TBCD: variants seen among roughly 807,000 people sequenced by gnomAD.
The protein encoded by TBCD is tubulin folding cofactor D, also known as tubulin-specific chaperone D.
A neutral mutation model predicts 169.3 loss-of-function variants in TBCD; 105 were observed. The observed-to-expected ratio is 0.62, with a 90% CI of 0.53 to 0.73. The LOEUF is 0.73. Among genes scored for constraint, TBCD ranks in the 30% least tolerant of loss-of-function variants. The pLI is 0.00. For synonymous variants in TBCD, 700 were observed against 643.9 expected (o/e 1.09, Z -1.32); for missense variants, 1,444 against 1,600.1 (o/e 0.90, Z 1.66).
At chr17:82,779,814 G>T (rs2048828305) in intron 6 of TBCD, among the ~76,000 whole-genome samples, 1 of 152,190 alleles carries the variant, frequency 6.6e-6, no homozygotes. Flanking sequence ...GGCAGCTCCA[G>T]CTTCCACGTC....
intron 13 of TBCD, chr17:82,830,810 G>A: frequency 6.2e-7 from 1 of 1,613,524 alleles, no homozygotes; most frequent in East Asian, 2.2e-5. Context: ...GGACTGGAAG[G>A]CGCGGCCTCC....
rs2063531150 is a variant in TBCD, at chr17:82,944,382, TAG to T, written c.*1922_*1923del. The T allele has an allele frequency of 6.6e-6, 1 of 152,076 alleles. No homozygotes were observed. Among genetic ancestry groups the T allele is most frequent in the Non-Finnish European group, 1.5e-5 (1 of 67,992 alleles). The allele number at this position is 152,076 out of a possible 1,614,324, so 9.4% of individuals were successfully genotyped here. A position where few individuals can be genotyped will look rare whatever the true frequency, so the allele number is the denominator to read the frequency against. On this transcript the variant is annotated 3_prime_UTR_variant, in exon 39 of 39. Coordinates refer to ENST00000355528, the MANE Select transcript of TBCD (RefSeq NM_005993.5). Reference sequence around the variant, plus strand: ...CTGGAGCCCACCAGGGTCCAGGTGATAGAGTTTGGCAAGGAACCCCTTGCTCA... The same window carrying T: ...CTGGAGCCCACCAGGGTCCAGGTGATAGTTTGGCAAGGAACCCCTTGCTCA...
chr17:82,924,999 G>T lies in TBCD; in HGVS notation c.2321G>T (p.Gly774Val), dbSNP rs1341238774. The change falls in exon 27 of 39, where the codon GGC (glycine) becomes GTC (valine). Residue 774 changes from glycine (G) to valine (V), a missense_variant. Coordinates refer to ENST00000355528, the MANE Select transcript of TBCD (RefSeq NM_005993.5). ...LRNPEEMTRC[G>V]FSLALGALPG... Reference sequence around the variant, plus strand: ...AACCCCGAGGAGATGACTCGCTGTGGCTTCTCGTTGGCCTTGGGCGCCCTT... The same window carrying T: ...AACCCCGAGGAGATGACTCGCTGTGTCTTCTCGTTGGCCTTGGGCGCCCTT... The T allele has an allele frequency of 1.9e-6, 3 of 1,574,852 alleles. No homozygotes were observed.
At chr17:82,878,997 C>T (rs2058164083) in intron 14 of TBCD, among the ~76,000 whole-genome samples, 2 of 150,734 alleles carry the variant, frequency 1.3e-5, no homozygotes, top group Non-Finnish European at 2.9e-5. Context: ...TAATGTTGCT[C>T]AAATTGCTCC....
At position 82,943,891 on chromosome 17, in the gene TBCD, G is replaced by T. The variant is rs1350821100; in HGVS notation, c.*1428G>T. 1 of 152,302 alleles carries T rather than the reference G, an allele frequency of 6.6e-6. No individual in the cohort carries two copies. The highest frequency in any genetic ancestry group is 2.4e-5 in the African/African-American group (1 of 41,456). 9.4% of individuals were successfully genotyped at this position (152,302 alleles called of 1,614,324 possible). On this transcript the variant is annotated 3_prime_UTR_variant, in exon 39 of 39. Transcript: ENST00000355528. ...TGGGGTCACGTGGTGAGGGTCCTGG[G>T]TGACCAGGCCTAGCCTTGGCCACAT...
At chr17:82,781,494 AG>A in intron 6 of TBCD, 94 bp from the exon 7 acceptor site, 3 of 1,474,342 alleles carry the variant, frequency 2.0e-6, no homozygotes, top group South Asian at 2.6e-5. Flanking sequence ...GTGAGGTGGG[AG>A]GGCCTGGGGA....
At chr17:82,797,681 G>A in intron 7 of TBCD, 76 bp from the exon 8 acceptor site, 1 of 1,098,374 alleles carries the variant, frequency 9.1e-7, no homozygotes, top group Non-Finnish European at 1.3e-6. Context: ...GTGATGAATT[G>A]TTTTCACAAT....
intron 13 of TBCD, among the ~76,000 whole-genome samples, chr17:82,840,830 C>T (rs569478831): frequency 2.0e-5 from 3 of 151,838 alleles, no homozygotes; most frequent in African/African-American, 4.8e-5. Flanking sequence ...CATGTGGTGT[C>T]GGTTTGAGGA....
At chr17:82,824,257 C>T (rs2052649283) in intron 13 of TBCD, among the ~76,000 whole-genome samples, 2 of 151,310 alleles carry the variant, frequency 1.3e-5, no homozygotes, top group Non-Finnish European at 2.9e-5. Flanking sequence ...TCTCGGCTCA[C>T]TGCAAGCTCC....
chr17:82,895,836 C>T (rs968662876), intron 17 of TBCD: 2 of 152,124 alleles, frequency 1.3e-5, no homozygotes, highest in Non-Finnish European at 2.9e-5. Flanking sequence ...GAGTTTCGGA[C>T]ACACAGACTG....
intron 13 of TBCD, among the ~76,000 whole-genome samples, chr17:82,861,433 A>T (rs1482942475): frequency 6.6e-6 from 1 of 152,012 alleles, no homozygotes; most frequent in Non-Finnish European, 1.5e-5. Context: ...TTCTTGGGGG[A>T]TGGATCAGTG....
At chr17:82,912,614 G>GA (rs35892168) in intron 23 of TBCD, among the ~76,000 whole-genome samples, 39,103 of 152,092 alleles carry the variant, frequency 0.26, 5,032 homozygotes, top group Middle Eastern at 0.31. Context: ...AGGAAGCTTG[G>GA]AAAAATCGCG....
intron 13 of TBCD, among the ~76,000 whole-genome samples, chr17:82,850,061 TGCTGCTG>T: frequency 2.2e-5 from 1 of 45,818 alleles, no homozygotes; most frequent in African/African-American, 8.0e-5. Context: ...TTGTTGGCTG[TGCTGCTG>T]TTGGCTGTGC....
intron 4 of TBCD, among the ~76,000 whole-genome samples, chr17:82,767,429 A>G (rs1211296467): frequency 1.3e-5 from 2 of 151,856 alleles, no homozygotes; most frequent in African/African-American, 4.8e-5. Flanking sequence ...AGAAGTTGAT[A>G]ATTGTTTTCT....
intron 7 of TBCD, among the ~76,000 whole-genome samples, chr17:82,784,916 G>A (rs944562581): frequency 8.5e-5 from 13 of 152,214 alleles, no homozygotes; most frequent in Non-Finnish European, 1.6e-4. Flanking sequence ...TAAGACCACT[G>A]GACCCGACCC....
intron 13 of TBCD, chr17:82,859,806 G>A: frequency 3.0e-6 from 3 of 985,452 alleles, no homozygotes; most frequent in Non-Finnish European, 3.6e-6. Flanking sequence ...CCTGTTCATG[G>A]CAGTGACCCA....
At position 82,827,604 on chromosome 17, in the gene TBCD, G is replaced by C. The variant is rs116405161; in HGVS notation, c.1318+12670G>C. 8.8e-3 allele frequency among the ~76,000 whole-genome samples: 1,346 copies of C among 152,250 alleles called. 16 individuals carry two copies. Among genetic ancestry groups the C allele is most frequent in the African/African-American group, 0.031 (1,302 of 41,530 alleles). On this transcript the variant is annotated intron_variant, in intron 13 of 38. Transcript: ENST00000355528. The stretch of plus-strand genomic sequence containing the variant: ...GCTCACACACATGCACGATGCAGAA[G>C]TGCATACACACGTGTACATGTGCAC...
intron 13 of TBCD, among the ~76,000 whole-genome samples, chr17:82,867,786 CAAG>C (rs769273021): frequency 6.6e-6 from 1 of 152,196 alleles, no homozygotes; most frequent in East Asian, 1.9e-4. Flanking sequence ...TTGACATTTA[CAAG>C]AAGTGAGAGA....
chr17:82,897,607 G>A (rs79103992), intron 17 of TBCD, among the ~76,000 whole-genome samples: 18,615 of 152,176 alleles, frequency 0.12, 1,474 homozygotes, highest in Non-Finnish European at 0.17. Flanking sequence ...TTTCAATATG[G>A]GTTTAAGTGT....
Sources: allele counts gnomAD v4.1 joint callset (sites outside exome capture counted in the v4.1 genomes callset), GRCh38; gene constraint gnomAD v4.1.1; transcripts MANE v1.5; gene names NCBI Gene and HGNC (gene_info 2026-07-23, HGNC 2026-07-21).